Variants in AGBL4 observed in about 807,000 individuals in gnomAD.
The protein encoded by AGBL4 is AGBL carboxypeptidase 4.
AGBL4 carries 58 observed loss-of-function variants against 66.4 expected under a neutral mutation model. The observed-to-expected ratio is 0.87, with a 90% confidence interval of 0.71 to 1.09. The LOEUF (loss-of-function observed/expected upper bound fraction) is 1.09, where lower values mean the gene tolerates loss of function less well. Among genes scored for constraint, AGBL4 ranks in the 50% least tolerant of loss-of-function variants. The pLI is 0.00. For missense variants in AGBL4, 579 were observed against 631.0 expected, an observed-to-expected ratio of 0.92 and a Z score of 0.88; for synonymous variants, 234 against 222.9, an observed-to-expected ratio of 1.05 and a Z score of -0.44.
At chr1:49,135,185 T>C (rs989029924) in intron 4 of AGBL4, among the ~76,000 whole-genome samples, 9 of 152,090 alleles carry the variant, frequency 5.9e-5, no homozygotes, top group African/African-American at 1.9e-4. Context: ...ACAATATATG[T>C]ATATGATGAA....
intron 3 of AGBL4, among the ~76,000 whole-genome samples, chr1:49,677,760 A>G (rs1010027395): frequency 3.3e-5 from 5 of 152,112 alleles, no homozygotes; most frequent in African/African-American, 1.2e-4. Flanking sequence ...AGATGAGGTC[A>G]TAAAGGTGGG....
intron 4 of AGBL4, among the ~76,000 whole-genome samples, chr1:49,125,165 A>C (rs1233100750): frequency 6.6e-6 from 1 of 152,202 alleles, no homozygotes; most frequent in Non-Finnish European, 1.5e-5. Context: ...TTTCAGAAAA[A>C]AAGCATATTT....
chr1:50,021,039 T>C (rs1313166661), intron 1 of AGBL4, among the ~76,000 whole-genome samples: 1 of 152,218 alleles, frequency 6.6e-6, no homozygotes, highest in African/African-American at 2.4e-5. Context: ...TGAGGCATTA[T>C]TTGCCTAAAT....
intron 11 of AGBL4, among the ~76,000 whole-genome samples, chr1:48,560,190 T>C (rs1368050394): frequency 1.3e-5 from 2 of 152,204 alleles, no homozygotes; most frequent in Non-Finnish European, 2.9e-5. Flanking sequence ...TGACCTCAAG[T>C]TTCTTCACTC....
intron 4 of AGBL4, among the ~76,000 whole-genome samples, chr1:49,095,138 GACCTCTTT>G (rs1170569187): frequency 6.6e-6 from 1 of 152,268 alleles, no homozygotes; most frequent in Admixed American, 6.5e-5. Flanking sequence ...GGATGTGAAG[GACCTCTTT>G]AAGGAGAACT....
intron 9 of AGBL4, among the ~76,000 whole-genome samples, chr1:48,595,831 T>G (rs184362246): frequency 6.6e-6 from 1 of 152,332 alleles, no homozygotes; most frequent in Admixed American, 6.5e-5. Context: ...GGTGCTCTGA[T>G]GTGGGGCCGT....
intron 4 of AGBL4, among the ~76,000 whole-genome samples, chr1:49,167,389 C>G (rs1403577415): frequency 6.6e-6 from 1 of 152,058 alleles, no homozygotes; most frequent in Non-Finnish European, 1.5e-5. Flanking sequence ...GAAGAGATAC[C>G]CTCTACTAGA....
intron 2 of AGBL4, among the ~76,000 whole-genome samples, chr1:49,702,336 C>G (rs1647112540): frequency 6.6e-6 from 1 of 151,888 alleles, no homozygotes. Flanking sequence ...ACTAAAAATA[C>G]AAAAATTAGC....
At chr1:49,236,093 G>A (rs573772937) in intron 4 of AGBL4, among the ~76,000 whole-genome samples, 27 of 151,986 alleles carry the variant, frequency 1.8e-4, no homozygotes, top group East Asian at 7.7e-4. Flanking sequence ...GCAGTGGCAC[G>A]ATCTTGGCTT....
chr1:49,204,411 T>C (rs1252089771), intron 4 of AGBL4, among the ~76,000 whole-genome samples: 3 of 151,698 alleles, frequency 2.0e-5, no homozygotes, highest in Non-Finnish European at 1.5e-5. Flanking sequence ...ACTGGGACTA[T>C]ACACATGCAG....
At chr1:49,903,022 T>G in intron 1 of AGBL4, among the ~76,000 whole-genome samples, 1 of 152,008 alleles carries the variant, frequency 6.6e-6, no homozygotes. Flanking sequence ...GGAATATAAA[T>G]CACTCCACCA....
At chr1:49,274,689 A>T (rs1348049449) in intron 3 of AGBL4, among the ~76,000 whole-genome samples, 1 of 152,136 alleles carries the variant, frequency 6.6e-6, no homozygotes, top group Non-Finnish European at 1.5e-5. Context: ...TCTTAAATAC[A>T]TGCTTCTGAT....
At chr1:49,428,180 C>A (rs1162722738) in intron 3 of AGBL4, among the ~76,000 whole-genome samples, 1 of 152,156 alleles carries the variant, frequency 6.6e-6, no homozygotes, top group Non-Finnish European at 1.5e-5. Flanking sequence ...TAGTTACTAA[C>A]TTTTTTTCCA....
chr1:49,491,002 A>G (rs142415339), intron 3 of AGBL4, among the ~76,000 whole-genome samples: 3 of 151,928 alleles, frequency 2.0e-5, no homozygotes, highest in African/African-American at 7.2e-5. Context: ...AGAGATAGGT[A>G]AAGTTTAATT....
intron 6 of AGBL4, among the ~76,000 whole-genome samples, chr1:48,720,347 G>A (rs1477864759): frequency 6.6e-6 from 1 of 152,208 alleles, no homozygotes; most frequent in African/African-American, 2.4e-5. Flanking sequence ...GAAGAAGCAG[G>A]TCATAGAGCA....
intron 6 of AGBL4, among the ~76,000 whole-genome samples, chr1:48,840,095 G>A (rs1646764826): frequency 6.6e-6 from 1 of 152,120 alleles, no homozygotes; most frequent in African/African-American, 2.4e-5. Context: ...AGGAAGAAAT[G>A]AGTCTGATGT....
intron 3 of AGBL4, among the ~76,000 whole-genome samples, chr1:49,670,056 C>T (rs1347408521): frequency 2.0e-5 from 3 of 151,926 alleles, no homozygotes; most frequent in Non-Finnish European, 4.4e-5. Context: ...TCAATGAATC[C>T]TATCAACACA....
At chr1:48,770,664 G>T (rs1224113823) in intron 6 of AGBL4, among the ~76,000 whole-genome samples, 2 of 152,060 alleles carry the variant, frequency 1.3e-5, no homozygotes, top group African/African-American at 4.8e-5. Context: ...GATGTTCCAT[G>T]GGCCCTTAAG....
At chr1:49,496,873 T>C (rs1449462043) in intron 3 of AGBL4, among the ~76,000 whole-genome samples, 1 of 152,052 alleles carries the variant, frequency 6.6e-6, no homozygotes, top group Non-Finnish European at 1.5e-5. Flanking sequence ...TTCATTTCCT[T>C]TGGATATATA....
Sources: gnomAD v4.1 joint callset for allele counts (sites outside exome capture counted in the v4.1 genomes callset) on GRCh38, gnomAD v4.1.1 for gene constraint, MANE v1.5 for transcripts, NCBI Gene and HGNC (gene_info 2026-07-23, HGNC 2026-07-21) for gene names.